BRINP1: variants seen among roughly 807,000 people sequenced by gnomAD.
The protein encoded by BRINP1 is BMP/retinoic acid-inducible neural-specific protein 1.
In BRINP1, 17 loss-of-function variants were observed where a neutral mutation model predicts 72.9. That is an observed-to-expected ratio of 0.23 (90% confidence interval 0.16 to 0.35). The LOEUF is 0.35. Ranked by LOEUF, BRINP1 falls within the 10% of genes least tolerant of loss-of-function variation. BRINP1 has a pLI of 1.00. For synonymous variants in BRINP1, 418 were observed against 378.5 expected (o/e 1.10, Z -1.21); for missense variants, 850 against 1,001.6 (o/e 0.85, Z 2.04).
At chr9:119,312,897 A>G (rs1831082904) in intron 2 of BRINP1, among the ~76,000 whole-genome samples, 1 of 152,206 alleles carries the variant, frequency 6.6e-6, no homozygotes, top group Non-Finnish European at 1.5e-5. Flanking sequence ...TATAATACGT[A>G]TTAAGCCCCC....
chr9:119,336,446 C>A (rs563150175), intron 1 of BRINP1, among the ~76,000 whole-genome samples: 6 of 151,992 alleles, frequency 3.9e-5, no homozygotes, highest in Non-Finnish European at 8.8e-5. Context: ...CTCATTACTC[C>A]GAGAGCAATC....
intron 2 of BRINP1, among the ~76,000 whole-genome samples, chr9:119,254,938 C>T (rs1830430994): frequency 6.6e-6 from 1 of 152,184 alleles, no homozygotes; most frequent in African/African-American, 2.4e-5. Flanking sequence ...CAACTAATAC[C>T]ATCCACTGAT....
rs760060274 is a variant in BRINP1, at chr9:119,242,173, G to A, written c.453C>T (p.Asp151=). The change falls in exon 4 of 8, where the codon GAC becomes GAT. Residue 151 remains aspartate (D), a synonymous_variant. Transcript: ENST00000265922. ...TTTGAGTGGCATTCCCTGACTTCCT[G>A]TCGAGGCGACTTTTGTCCATATACA... ...LTMYMDKSRL[D]RKSGNATQSV... 3.1e-6 allele frequency: 5 copies of A among 1,614,030 alleles called. No individual in the cohort carries two copies. The South Asian group carries it at 3.3e-5, about 11-fold the overall frequency.
intron 1 of BRINP1, among the ~76,000 whole-genome samples, chr9:119,315,550 C>T (rs1272506695): frequency 6.6e-6 from 1 of 151,884 alleles, no homozygotes; most frequent in Non-Finnish European, 1.5e-5. Flanking sequence ...CGAAATTAAG[C>T]CAATTAGTAA....
At chr9:119,247,399 T>C (rs1830331629) in intron 3 of BRINP1, among the ~76,000 whole-genome samples, 1 of 151,818 alleles carries the variant, frequency 6.6e-6, no homozygotes. Flanking sequence ...ACACCTGTAA[T>C]CCCAACACTC....
At chr9:119,203,281 G>A (rs1271599561) in intron 7 of BRINP1, among the ~76,000 whole-genome samples, 1 of 152,116 alleles carries the variant, frequency 6.6e-6, no homozygotes, top group Non-Finnish European at 1.5e-5. Flanking sequence ...ACCTGCCCAT[G>A]TGACCTTGGA....
intron 5 of BRINP1, 132 bp from the exon 6 acceptor site, chr9:119,214,287 T>C (rs1829957564): frequency 4.4e-6 from 3 of 674,640 alleles, no homozygotes; most frequent in Non-Finnish European, 7.6e-6. Flanking sequence ...AATATATTTC[T>C]GGGCCAACCT....
At chr9:119,216,359 TG>T (rs1289906199) in intron 5 of BRINP1, among the ~76,000 whole-genome samples, 2 of 152,146 alleles carry the variant, frequency 1.3e-5, no homozygotes, top group Non-Finnish European at 2.9e-5. Flanking sequence ...CGGGCTGCTG[TG>T]AGACTGAGTG....
chr9:119,365,363 T>G (rs1185935245), intron 1 of BRINP1, among the ~76,000 whole-genome samples: 2 of 152,256 alleles, frequency 1.3e-5, no homozygotes, highest in African/African-American at 4.8e-5. Flanking sequence ...TTTAAGGACC[T>G]GTCTTCTTCA....
At chr9:119,211,998 T>G (rs536011010) in intron 6 of BRINP1, among the ~76,000 whole-genome samples, 2 of 152,302 alleles carry the variant, frequency 1.3e-5, no homozygotes, top group Non-Finnish European at 2.9e-5. Flanking sequence ...TCTGTTTTTT[T>G]TTTGTTTGTT....
At chr9:119,203,527 T>G (rs1829824870) in intron 7 of BRINP1, among the ~76,000 whole-genome samples, 1 of 152,216 alleles carries the variant, frequency 6.6e-6, no homozygotes, top group Admixed American at 6.5e-5. Flanking sequence ...CTACTCACTG[T>G]CCTAAGAAAT....
At chr9:119,288,025 C>T (rs1428490740) in intron 2 of BRINP1, among the ~76,000 whole-genome samples, 1 of 152,056 alleles carries the variant, frequency 6.6e-6, no homozygotes, top group Non-Finnish European at 1.5e-5. Flanking sequence ...GTCAGAGACC[C>T]ACAGTTACTT....
intron 2 of BRINP1, among the ~76,000 whole-genome samples, chr9:119,301,233 T>A (rs144707546): frequency 6.6e-6 from 1 of 152,314 alleles, no homozygotes; most frequent in East Asian, 1.9e-4. Flanking sequence ...AAAAGCACCA[T>A]CACCCACCCA....
intron 1 of BRINP1, among the ~76,000 whole-genome samples, chr9:119,357,947 A>G (rs968944362): frequency 2.3e-4 from 35 of 152,188 alleles, no homozygotes; most frequent in African/African-American, 7.7e-4. Context: ...CAAGGACAGA[A>G]CATACATACA....
intron 5 of BRINP1, among the ~76,000 whole-genome samples, chr9:119,237,585 A>G (rs1290243567): frequency 7.9e-5 from 12 of 151,758 alleles, no homozygotes; most frequent in African/African-American, 1.5e-4. Flanking sequence ...GATGGTCTCA[A>G]TCTCCTGACC....
intron 1 of BRINP1, among the ~76,000 whole-genome samples, chr9:119,360,610 C>T (rs1009268793): frequency 2.6e-5 from 4 of 152,146 alleles, no homozygotes; most frequent in African/African-American, 9.7e-5. Flanking sequence ...GAGAATTCAC[C>T]ACTTTTTCCC....
At chr9:119,225,896 TAAAC>T (rs34917743) in intron 5 of BRINP1, among the ~76,000 whole-genome samples, 14,737 of 152,016 alleles carry the variant, frequency 0.097, 871 homozygotes, top group African/African-American at 0.17. Context: ...TTTGCAACAA[TAAAC>T]AAATAAGATT....
chr9:119,354,614 C>T (rs1006497198), intron 1 of BRINP1, among the ~76,000 whole-genome samples: 1 of 152,004 alleles, frequency 6.6e-6, no homozygotes, highest in Non-Finnish European at 1.5e-5. Context: ...AATCCCAGCA[C>T]TTTGGGAGGT....
chr9:119,263,759 T>C (rs926363444), intron 2 of BRINP1, among the ~76,000 whole-genome samples: 31 of 151,918 alleles, frequency 2.0e-4, no homozygotes, highest in Middle Eastern at 3.4e-3. Flanking sequence ...AGGTGCCCAC[T>C]ACCACGTCTG....
Sources: allele counts gnomAD v4.1 joint callset (sites outside exome capture counted in the v4.1 genomes callset), GRCh38; gene constraint gnomAD v4.1.1; transcripts MANE v1.5; gene names NCBI Gene and HGNC (gene_info 2026-07-23, HGNC 2026-07-21).